The following GLMN variants were observed in gnomAD, a reference collection of about 807,000 sequenced individuals.
GLMN encodes glomulin, FKBP associated protein.
GLMN carries 75 observed loss-of-function variants against 87.8 expected under a neutral mutation model. The ratio of observed to expected loss-of-function variants is 0.85; its 90% CI spans 0.71 to 1.04. The LOEUF is 1.04. Ranked by LOEUF, GLMN falls within the 50% of genes least tolerant of loss-of-function variation. The probability of loss-of-function intolerance (pLI) is 0.00; values close to 1 mark genes in which losing one functional copy is unlikely to be tolerated. For synonymous variants in GLMN, 206 were observed against 221.6 expected, an observed-to-expected ratio of 0.93 and a Z score of 0.63; for missense variants, 588 against 658.8, an observed-to-expected ratio of 0.89 and a Z score of 1.18.
At chr1:92,260,450 T>C (rs999276216) in intron 16 of GLMN, among the ~76,000 whole-genome samples, 2 of 151,738 alleles carry the variant, frequency 1.3e-5, no homozygotes, top group African/African-American at 4.8e-5. Flanking sequence ...ACCCCATCTC[T>C]AGTAAAAATA....
intron 16 of GLMN, among the ~76,000 whole-genome samples, chr1:92,261,810 A>G (rs1215109104): frequency 6.6e-6 from 1 of 152,204 alleles, no homozygotes; most frequent in Non-Finnish European, 1.5e-5. Flanking sequence ...AATACATCAA[A>G]AAATAGACTG....
chr1:92,269,863 T>C (rs1656053514), intron 8 of GLMN, 87 bp from the exon 9 acceptor site: 4 of 888,996 alleles, frequency 4.5e-6, no homozygotes, highest in South Asian at 4.1e-5. Context: ...TTGAATTGTA[T>C]CTCCCCCAAA....
upstream of GLMN, among the ~76,000 whole-genome samples, chr1:92,300,583 CTT>C (rs1650767826): frequency 6.6e-6 from 1 of 152,180 alleles, no homozygotes; most frequent in South Asian, 2.1e-4. Context: ...CTTTTCTGTT[CTT>C]TGTTACATCA....
intron 7 of GLMN, among the ~76,000 whole-genome samples, chr1:92,276,878 G>A (rs1351341306): frequency 6.6e-6 from 1 of 152,142 alleles, no homozygotes. Flanking sequence ...TGGGTGATGG[G>A]TACATGGGCA....
chr1:92,259,657 AG>A (rs1557518168), intron 16 of GLMN, among the ~76,000 whole-genome samples: 1 of 151,824 alleles, frequency 6.6e-6, no homozygotes, highest in Admixed American at 6.6e-5. Flanking sequence ...AGGTACTGGT[AG>A]GAGTCCTTTT....
chr1:92,263,435 G>A (rs1310324590), intron 15 of GLMN, among the ~76,000 whole-genome samples, 188 bp downstream of exon 15: 2 of 152,256 alleles, frequency 1.3e-5, no homozygotes, highest in African/African-American at 4.8e-5. Context: ...CTAGAAAGAG[G>A]AGGTTTTAAT....
At chr1:92,341,191 TAG>T in the GLMN span, among the ~76,000 whole-genome samples, 24 of 152,158 alleles carry the variant, frequency 1.6e-4, no homozygotes, top group East Asian at 3.3e-3. Context: ...GTATTTTTTG[TAG>T]AGACGAGGTT....
chr1:92,370,609 T>G, the GLMN span, among the ~76,000 whole-genome samples: 2 of 151,950 alleles, frequency 1.3e-5, no homozygotes, highest in Non-Finnish European at 2.9e-5. Flanking sequence ...TCTCCATCCT[T>G]CAAAATCATG....
At chr1:92,256,685 C>T (rs1335224222) in intron 16 of GLMN, among the ~76,000 whole-genome samples, 3 of 152,054 alleles carry the variant, frequency 2.0e-5, no homozygotes, top group African/African-American at 4.8e-5. Context: ...GCAGAAAAGG[C>T]CTTGGATAAA....
chr1:92,309,132 A>G, the GLMN span, among the ~76,000 whole-genome samples: 1 of 151,540 alleles, frequency 6.6e-6, no homozygotes, highest in Non-Finnish European at 1.5e-5. Flanking sequence ...TCACTACCTC[A>G]CTAAAAAAGA....
At chr1:92,304,106 C>A in the GLMN span, 9 of 1,469,560 alleles carry the variant, frequency 6.1e-6, no homozygotes, top group South Asian at 9.7e-5. Flanking sequence ...AAAATATAGG[C>A]TTTTATTATT....
At chr1:92,277,440 T>C (rs1647417551) in intron 7 of GLMN, among the ~76,000 whole-genome samples, 1 of 152,218 alleles carries the variant, frequency 6.6e-6, no homozygotes, top group Non-Finnish European at 1.5e-5. Flanking sequence ...TAAGTGTCTT[T>C]ATGCTATTGA....
intron 3 of GLMN, 40 bp from the exon 4 acceptor site, chr1:92,291,577 T>C: frequency 6.2e-7 from 1 of 1,603,576 alleles, no homozygotes; most frequent in Non-Finnish European, 8.5e-7. Flanking sequence ...CACTGCCATC[T>C]ATAGGACTCT....
chr1:92,275,510 C>T (rs2100952390), intron 7 of GLMN, among the ~76,000 whole-genome samples: 1 of 152,302 alleles, frequency 6.6e-6, no homozygotes, highest in Middle Eastern at 3.4e-3. Context: ...AGTCTTCCCA[C>T]CTCCATTACC....
the GLMN span, among the ~76,000 whole-genome samples, chr1:92,340,074 G>C: frequency 2.6e-5 from 4 of 152,212 alleles, no homozygotes; most frequent in East Asian, 7.7e-4. Context: ...TTAATAAAAA[G>C]CTTTGGGAAA....
the GLMN span, among the ~76,000 whole-genome samples, chr1:92,339,164 T>A: frequency 5.3e-5 from 8 of 152,252 alleles, no homozygotes; most frequent in East Asian, 1.5e-3. Flanking sequence ...TTTAAAAAAC[T>A]ATTCTGAGGT....
At chr1:92,280,032 G>A (rs1647812543) in intron 7 of GLMN, among the ~76,000 whole-genome samples, 1 of 152,238 alleles carries the variant, frequency 6.6e-6, no homozygotes, top group Admixed American at 6.5e-5. Flanking sequence ...TCTGGGGACG[G>A]CACAGTAGAA....
At chr1:92,254,894 T>C (rs940013985) in intron 16 of GLMN, among the ~76,000 whole-genome samples, 4 of 152,170 alleles carry the variant, frequency 2.6e-5, no homozygotes, top group African/African-American at 9.7e-5. Context: ...CAGGATCAAA[T>C]TCACAGATAA....
intron 7 of GLMN, among the ~76,000 whole-genome samples, chr1:92,283,042 A>G (rs1380939874): frequency 6.6e-6 from 1 of 152,222 alleles, no homozygotes; most frequent in Non-Finnish European, 1.5e-5. Flanking sequence ...GAATTCTACC[A>G]GAGGTACAAA....
Sources: gnomAD v4.1 joint callset for allele counts (sites outside exome capture counted in the v4.1 genomes callset) on GRCh38, gnomAD v4.1.1 for gene constraint, MANE v1.5 for transcripts, NCBI Gene and HGNC (gene_info 2026-07-23, HGNC 2026-07-21) for gene names.